ANKRD36: variants seen among roughly 807,000 people sequenced by gnomAD.
ANKRD36 encodes ankyrin repeat domain 36.
In ANKRD36, 179 loss-of-function variants were observed where a neutral mutation model predicts 278.1. That is an observed-to-expected ratio of 0.64 (90% CI 0.57 to 0.73). ANKRD36 has a LOEUF of 0.73. ANKRD36 is among the 30% of genes least tolerant of loss of function. The pLI, the probability that ANKRD36 is intolerant of heterozygous loss-of-function variation, is 0.00. For missense variants in ANKRD36, 1,159 were observed against 1,956.7 expected (o/e 0.59, Z 7.69); for synonymous variants, 320 against 641.1 (o/e 0.50, Z 7.57).
At chr2:97,208,227 A>T (rs1236901023) in intron 54 of ANKRD36, among the ~76,000 whole-genome samples, 1 of 146,656 alleles carries the variant, frequency 6.8e-6, no homozygotes, top group Non-Finnish European at 1.5e-5. Context: ...AATTGGGAAG[A>T]AGAATTATGG....
In ANKRD36 at chr2:97,189,398, C is replaced by T. The variant is rs540457360; in HGVS notation, c.2245+108C>T. ...GGGTGGGGGGCTCGCCTAATCTGCA[C>T]ATTCTGATTCAGCAGGCCTGAGAGT... On this transcript the variant is annotated intron_variant, in intron 34 of 75. Transcript: ENST00000420699. 4.2e-5 allele frequency: 22 copies of T among 524,704 alleles called. 3 individuals are homozygous for T. Among genetic ancestry groups the T allele is most frequent in the South Asian group, 1.6e-4 (10 of 61,218 alleles). The allele number at this position is 524,704 out of a possible 1,614,324, so 32.5% of individuals were successfully genotyped here. A position where few individuals can be genotyped will look rare whatever the true frequency, so the allele number is the denominator to read the frequency against.
Position 97,118,328 on chromosome 2 carries a change from G to C in ANKRD36, c.313-16G>C. On this transcript the variant is annotated splice_polypyrimidine_tract_variant and intron_variant, in intron 2 of 75. Transcript: ENST00000420699. ...ATTTTTCAGTATTTGCATGTTTCTCGGTCTAATACTGACAGGCTGTACAAC... is the reference window on the plus strand; with the variant it reads ...ATTTTTCAGTATTTGCATGTTTCTCCGTCTAATACTGACAGGCTGTACAAC... 6.2e-7 allele frequency: 1 copy of C among 1,610,042 alleles called. No individual in the cohort carries two copies. Among genetic ancestry groups the C allele is most frequent in the Non-Finnish European group, 8.5e-7 (1 of 1,178,304 alleles).
chr2:97,189,354 G>A lies in ANKRD36; in HGVS notation c.2245+64G>A, dbSNP rs1203045473. On this transcript the variant is annotated intron_variant, in intron 34 of 75. Transcript: ENST00000420699. The stretch of plus-strand genomic sequence containing the variant: ...AGATAGAAAAGAACTTCTCTACCCC[G>A]AATAAATCAGCGGAGGGTGGGTGGG... 3.2e-5 allele frequency: 14 copies of A among 437,782 alleles called. 3 individuals are homozygous for A. Among genetic ancestry groups the A allele is most frequent in the South Asian group, 1.9e-4 (12 of 63,494 alleles). The allele number at this position is 437,782 out of a possible 1,614,324, so 27.1% of individuals were successfully genotyped here. A position where few individuals can be genotyped will look rare whatever the true frequency, so the allele number is the denominator to read the frequency against.
chr2:97,211,450 G>T (rs1218490258), intron 56 of ANKRD36, 96 bp from the exon 57 acceptor site: 3 of 1,535,412 alleles, frequency 2.0e-6, no homozygotes, highest in Non-Finnish European at 1.8e-6. Flanking sequence ...ACTAATACAG[G>T]CTGGGGGACA....
chr2:97,157,059 T>C (rs1433504062), intron 15 of ANKRD36, among the ~76,000 whole-genome samples: 3 of 151,936 alleles, frequency 2.0e-5, no homozygotes, highest in Non-Finnish European at 4.4e-5. Context: ...CATTACTCTT[T>C]CGAATTCTGA....
At chr2:97,207,695 C>T in intron 52 of ANKRD36, 116 bp from the exon 53 acceptor site, 4 of 1,486,176 alleles carry the variant, frequency 2.7e-6, no homozygotes, top group Non-Finnish European at 3.7e-6. Flanking sequence ...TAGAAGCCAT[C>T]AAAGCCTACG....
Position 97,158,186 on chromosome 2 carries a change from G to A in ANKRD36, c.1321+19G>A, listed in dbSNP as rs566526565. On this transcript the variant is annotated intron_variant, in intron 16 of 75. Transcript: ENST00000420699. ...GAAAATTGTAAGCTATTTGAAACCT[G>A]ACTATTATATTATCTACTGAATCTT... 4 of 1,454,108 alleles carry A rather than the reference G, an allele frequency of 2.8e-6. No homozygotes were observed. The South Asian group carries it at 3.7e-5, about 13-fold the overall frequency. 90.1% of individuals were successfully genotyped at this position (1,454,108 alleles called of 1,614,324 possible). A position where few individuals can be genotyped will look rare whatever the true frequency, so the allele number is the denominator to read the frequency against.
At chr2:97,176,466 T>C (rs968603937) in intron 22 of ANKRD36, among the ~76,000 whole-genome samples, 2 of 143,530 alleles carry the variant, frequency 1.4e-5, no homozygotes, top group African/African-American at 2.5e-5. Flanking sequence ...TTTTTTGTTT[T>C]CCATTTGCTT....
intron 6 of ANKRD36, among the ~76,000 whole-genome samples, chr2:97,141,013 C>T (rs562178260): frequency 2.0e-5 from 3 of 151,618 alleles, no homozygotes; most frequent in Non-Finnish European, 2.9e-5. Context: ...ATATGTTCTT[C>T]GTTCACATCA....
At chr2:97,171,548 T>A (rs1575278211) in intron 22 of ANKRD36, among the ~76,000 whole-genome samples, 2 of 77,568 alleles carry the variant, frequency 2.6e-5, no homozygotes, top group Admixed American at 1.7e-4. Context: ...CTGGGGACTG[T>A]GGTGGGGTGG....
chr2:97,237,757 A>AT (rs1479811346), intron 68 of ANKRD36, among the ~76,000 whole-genome samples: 2 of 136,398 alleles, frequency 1.5e-5, no homozygotes, highest in Non-Finnish European at 3.1e-5. Flanking sequence ...GAATTTTTAC[A>AT]TTCGTGCTCA....
At position 97,204,107 on chromosome 2, in the gene ANKRD36, T is replaced by C. The variant is rs771460970; in HGVS notation, c.2988+11T>C. ...CCACCAGGCTTGAAGGTAATGAAAC[T>C]GTCGTTTATATTGTGAACTAGTAAA... On this transcript the variant is annotated intron_variant, in intron 49 of 75. Transcript: ENST00000420699. The C allele has an allele frequency of 1.3e-6, 2 of 1,575,614 alleles. No homozygotes were observed. The highest frequency in any genetic ancestry group is 8.6e-7 in the Non-Finnish European group (1 of 1,163,006).
intron 14 of ANKRD36, among the ~76,000 whole-genome samples, chr2:97,154,042 G>A (rs566043492): frequency 6.2e-4 from 92 of 148,586 alleles, no homozygotes; most frequent in African/African-American, 1.9e-3. Flanking sequence ...CTTCTGTGAA[G>A]AATATTCCCA....
intron 48 of ANKRD36, among the ~76,000 whole-genome samples, chr2:97,203,814 A>G (rs1389049660): frequency 2.0e-5 from 3 of 151,768 alleles, no homozygotes; most frequent in Non-Finnish European, 2.9e-5. Context: ...TGATATTGAC[A>G]CGGTTTTATT....
At chr2:97,226,700 C>T (rs1415632496) in intron 67 of ANKRD36, among the ~76,000 whole-genome samples, 1 of 151,790 alleles carries the variant, frequency 6.6e-6, no homozygotes, top group Non-Finnish European at 1.5e-5. Flanking sequence ...AGTCCTTGCC[C>T]ATGCCTATGT....
chr2:97,177,424 A>G (rs966889715), intron 22 of ANKRD36, among the ~76,000 whole-genome samples: 2 of 151,948 alleles, frequency 1.3e-5, no homozygotes, highest in African/African-American at 4.8e-5. Flanking sequence ...CTGACTTCAA[A>G]CTATACTACA....
chr2:97,188,420 C>T (rs1399400063), intron 32 of ANKRD36, among the ~76,000 whole-genome samples: 1 of 151,526 alleles, frequency 6.6e-6, no homozygotes, highest in African/African-American at 2.4e-5. Flanking sequence ...ATATATTATG[C>T]TTTGGTGCCA....
rs2036100159 is a variant in ANKRD36 at position 97,118,431 on chromosome 2, G to A, written c.400G>A (p.Ala134Thr). The A allele has an allele frequency of 2.5e-6, 4 of 1,607,052 alleles. 1 individual carries two copies. In the Admixed American group the frequency reaches 5.0e-5, roughly 20 times the overall value. The stretch of plus-strand genomic sequence containing the variant: ...TATTACGGATTTCTTTGGAAGGACT[G>A]CTCTGCACTACGCTGTGTATAATGA... Reference protein sequence around the residue: ...PNITDFFGRTALHYAVYNEDT... With the variant: ...PNITDFFGRTTLHYAVYNEDT... The change falls in exon 3 of 76, where the codon GCT becomes ACT. Residue 134 changes from alanine (A) to threonine (T), a missense_variant. By Grantham distance (58) the Ala-to-Thr change is moderately conservative. Transcript: ENST00000420699.
At chr2:97,177,131 G>A (rs1355564150) in intron 22 of ANKRD36, among the ~76,000 whole-genome samples, 1 of 151,682 alleles carries the variant, frequency 6.6e-6, no homozygotes, top group Admixed American at 6.6e-5. Context: ...GGATGTGAAG[G>A]AACTCTTCAA....
Sources: allele counts gnomAD v4.1 joint callset (sites outside exome capture counted in the v4.1 genomes callset), GRCh38; gene constraint gnomAD v4.1.1; transcripts MANE v1.5; gene names NCBI Gene and HGNC (gene_info 2026-07-23, HGNC 2026-07-21).